TLE4: variants seen among roughly 807,000 people sequenced by gnomAD.
TLE4 encodes the protein TLE family member 4, transcriptional corepressor.
A neutral mutation model predicts 92.8 loss-of-function variants in TLE4; 8 were observed. The observed-to-expected ratio is 0.09, with a 90% CI of 0.05 to 0.16. The LOEUF (loss-of-function observed/expected upper bound fraction) is 0.16. TLE4 is among the 10% of genes least tolerant of loss of function. The pLI, the probability that TLE4 is intolerant of heterozygous loss-of-function variation, is 1.00. For missense variants in TLE4, 675 were observed against 997.6 expected (o/e 0.68, Z 4.36); for synonymous variants, 371 against 374.1 (o/e 0.99, Z 0.10).
At chr9:79,682,562 G>T (rs997307191) in intron 8 of TLE4, among the ~76,000 whole-genome samples, 1 of 152,102 alleles carries the variant, frequency 6.6e-6, no homozygotes, top group Non-Finnish European at 1.5e-5. Flanking sequence ...GTAGTCGTTT[G>T]TCATAAATCA....
At chr9:79,677,833 A>T (rs1588133911) in intron 8 of TLE4, among the ~76,000 whole-genome samples, 1 of 152,082 alleles carries the variant, frequency 6.6e-6, no homozygotes, top group South Asian at 2.1e-4. Flanking sequence ...TCTTTTACTT[A>T]TAGAATCAGA....
intron 6 of TLE4, chr9:79,649,595 G>T: frequency 9.0e-6 from 2 of 222,092 alleles, no homozygotes; most frequent in South Asian, 5.5e-5. Flanking sequence ...AAAACATGAT[G>T]TGCAGGTGGA....
chr9:79,626,508 T>G (rs565163569), intron 5 of TLE4, among the ~76,000 whole-genome samples: 1 of 152,316 alleles, frequency 6.6e-6, no homozygotes, highest in Non-Finnish European at 1.5e-5. Flanking sequence ...ACTAGAGTGG[T>G]CAAATGTTTT....
intron 8 of TLE4, among the ~76,000 whole-genome samples, chr9:79,659,605 G>T (rs1380525003): frequency 6.6e-6 from 1 of 151,784 alleles, no homozygotes; most frequent in South Asian, 2.1e-4. Context: ...AAAAATTTTT[G>T]TTTTTTGCCA....
chr9:79,644,307 G>A (rs960185616), intron 6 of TLE4, among the ~76,000 whole-genome samples: 8 of 151,994 alleles, frequency 5.3e-5, no homozygotes, highest in Non-Finnish European at 1.0e-4. Flanking sequence ...CTCCCCAGCC[G>A]TGCTTAACTG....
intron 6 of TLE4, among the ~76,000 whole-genome samples, chr9:79,637,806 A>G (rs972449364): frequency 6.6e-6 from 1 of 152,156 alleles, no homozygotes; most frequent in South Asian, 2.1e-4. Context: ...TGGGCTGTCA[A>G]TTAAATGCCT....
At chr9:79,589,409 C>A (rs192448942) in intron 4 of TLE4, among the ~76,000 whole-genome samples, 2 of 151,272 alleles carry the variant, frequency 1.3e-5, no homozygotes, top group African/African-American at 4.9e-5. Flanking sequence ...TTGTAATCTT[C>A]CTTTTCCTAA....
At position 79,574,853 on chromosome 9, in the gene TLE4, G is replaced by GT. The variant is rs752161919; in HGVS notation, c.144-19dup. On this transcript the variant is annotated intron_variant, in intron 2 of 19. Transcript: ENST00000376552. ...GTAAGTTAAGATCATTGTACTTAGA[G>GT]TATCTTATGTCTTGAACAGTCTGAA... The GT allele has an allele frequency of 5.0e-6, 8 of 1,604,894 alleles. No homozygotes were observed. In the East Asian group the frequency reaches 1.6e-4, roughly 31 times the overall value.
intron 6 of TLE4, among the ~76,000 whole-genome samples, chr9:79,640,755 A>G (rs559089196): frequency 4.6e-5 from 7 of 152,180 alleles, no homozygotes; most frequent in African/African-American, 1.7e-4. Context: ...CCCCTGCATT[A>G]CCTACTAGCC....
At chr9:79,577,176 ACTTT>A (rs1225789157) in intron 4 of TLE4, among the ~76,000 whole-genome samples, 3 of 152,142 alleles carry the variant, frequency 2.0e-5, no homozygotes, top group African/African-American at 7.2e-5. Context: ...GGATGTCATT[ACTTT>A]CTAAGTTGAG....
At chr9:79,670,213 A>G (rs1358147778) in intron 8 of TLE4, among the ~76,000 whole-genome samples, 1 of 152,114 alleles carries the variant, frequency 6.6e-6, no homozygotes, top group Non-Finnish European at 1.5e-5. Flanking sequence ...AAGAAAGAAA[A>G]AAAAACTTGA....
chr9:79,603,559 A>C (rs1376394253), intron 4 of TLE4, among the ~76,000 whole-genome samples: 2 of 152,130 alleles, frequency 1.3e-5, no homozygotes, highest in African/African-American at 4.8e-5. Context: ...CTTAAACTAT[A>C]GTACAAACAT....
At chr9:79,717,908 C>T in intron 14 of TLE4, 1 of 451,592 alleles carries the variant, frequency 2.2e-6, no homozygotes, top group African/African-American at 2.0e-5. Flanking sequence ...TGCGTCACAA[C>T]AGCCTCACTC....
intron 8 of TLE4, among the ~76,000 whole-genome samples, chr9:79,676,271 C>G (rs988010649): frequency 6.6e-6 from 1 of 152,110 alleles, no homozygotes; most frequent in Non-Finnish European, 1.5e-5. Flanking sequence ...ACTACTGAAA[C>G]TATTTTGGCT....
intron 8 of TLE4, among the ~76,000 whole-genome samples, chr9:79,693,420 A>T (rs1323598540): frequency 1.3e-5 from 2 of 152,104 alleles, no homozygotes; most frequent in African/African-American, 4.8e-5. Flanking sequence ...CAGTGGCTCA[A>T]ATGTCTGTGA....
At chr9:79,681,378 A>G (rs2064547342) in intron 8 of TLE4, among the ~76,000 whole-genome samples, 1 of 152,008 alleles carries the variant, frequency 6.6e-6, no homozygotes, top group Non-Finnish European at 1.5e-5. Context: ...GCTGTTATAT[A>G]TTTGTTAGAT....
intron 10 of TLE4, 35 bp downstream of exon 10, chr9:79,705,977 C>T (rs879331875): frequency 2.5e-6 from 4 of 1,596,410 alleles, no homozygotes; most frequent in Non-Finnish European, 3.4e-6. Flanking sequence ...TTTGCACTTG[C>T]CCAGCCATAT....
chr9:79,679,704 T>C (rs934764978), intron 8 of TLE4, among the ~76,000 whole-genome samples: 1 of 152,236 alleles, frequency 6.6e-6, no homozygotes, highest in Non-Finnish European at 1.5e-5. Flanking sequence ...GCCTATGTCC[T>C]GAATGGTATT....
intron 6 of TLE4, chr9:79,627,864 C>G (rs2053052916): frequency 6.3e-6 from 1 of 159,018 alleles, no homozygotes. Context: ...TTTCACATCT[C>G]CCGTTCTACT....
Sources: allele counts gnomAD v4.1 joint callset (sites outside exome capture counted in the v4.1 genomes callset), GRCh38; gene constraint gnomAD v4.1.1; transcripts MANE v1.5; gene names NCBI Gene and HGNC (gene_info 2026-07-23, HGNC 2026-07-21).